The following ADGRL3 variants were observed in gnomAD, a reference collection of about 807,000 sequenced individuals.
The protein encoded by ADGRL3 is adhesion G protein-coupled receptor L3.
A neutral mutation model predicts 153.5 loss-of-function variants in ADGRL3; 62 were observed. The observed-to-expected ratio is 0.40, with a 90% CI of 0.33 to 0.50. The LOEUF (loss-of-function observed/expected upper bound fraction) is 0.50, where lower values mean the gene tolerates loss of function less well. Among genes scored for constraint, ADGRL3 ranks in the 20% least tolerant of loss-of-function variants. The pLI, the probability that ADGRL3 is intolerant of heterozygous loss-of-function variation, is 0.47. For synonymous variants in ADGRL3, 710 were observed against 672.5 expected (o/e 1.06, Z -0.86); for missense variants, 1,641 against 1,859.4 (o/e 0.88, Z 2.16).
At chr4:61,335,340 C>G (rs1407222123) in intron 1 of ADGRL3, among the ~76,000 whole-genome samples, 1 of 152,006 alleles carries the variant, frequency 6.6e-6, no homozygotes, top group East Asian at 1.9e-4. Flanking sequence ...AAAGAAATAC[C>G]ATTACTGTTT....
chr4:62,005,083 G>A (rs556481419), intron 21 of ADGRL3, among the ~76,000 whole-genome samples: 1 of 152,140 alleles, frequency 6.6e-6, no homozygotes, highest in South Asian at 2.1e-4. Flanking sequence ...GGTAATAGTG[G>A]GTCCTTTGCT....
intron 8 of ADGRL3, among the ~76,000 whole-genome samples, chr4:61,758,121 T>C (rs2096860887): frequency 6.6e-6 from 1 of 152,208 alleles, no homozygotes; most frequent in Non-Finnish European, 1.5e-5. Flanking sequence ...GAGAGTTCTG[T>C]AGATGTCTAT....
chr4:61,699,289 T>A (rs1275066887), intron 6 of ADGRL3, among the ~76,000 whole-genome samples: 1 of 152,138 alleles, frequency 6.6e-6, no homozygotes, highest in Non-Finnish European at 1.5e-5. Context: ...AAGGTGAATA[T>A]CAGATTCATT....
chr4:61,317,130 A>G (rs918731336), intron 1 of ADGRL3, among the ~76,000 whole-genome samples: 1 of 152,180 alleles, frequency 6.6e-6, no homozygotes, highest in Non-Finnish European at 1.5e-5. Context: ...GTTGATTTCT[A>G]AGTTCCTTTA....
At chr4:61,891,208 GAAAA>G (rs78985111) in intron 9 of ADGRL3, among the ~76,000 whole-genome samples, 2 of 151,718 alleles carry the variant, frequency 1.3e-5, no homozygotes, top group Admixed American at 1.3e-4. Flanking sequence ...TGATTAGAAA[GAAAA>G]AAATAGATGG....
chr4:61,889,817 A>T (rs1234028894), intron 9 of ADGRL3, among the ~76,000 whole-genome samples: 1 of 152,214 alleles, frequency 6.6e-6, no homozygotes, highest in Non-Finnish European at 1.5e-5. Context: ...AATAGGCTGG[A>T]GAAATCTTGC....
intron 6 of ADGRL3, among the ~76,000 whole-genome samples, chr4:61,706,376 T>G (rs1039873869): frequency 1.3e-4 from 19 of 150,658 alleles, no homozygotes; most frequent in African/African-American, 4.6e-4. Flanking sequence ...GAGCCGAGAT[T>G]GCGCCACTGC....
chr4:61,932,065 T>A (rs999241887), intron 13 of ADGRL3, among the ~76,000 whole-genome samples: 1 of 151,838 alleles, frequency 6.6e-6, no homozygotes, highest in Non-Finnish European at 1.5e-5. Flanking sequence ...ATACATACAG[T>A]CTTTTATGTA....
intron 1 of ADGRL3, among the ~76,000 whole-genome samples, chr4:61,218,789 T>G (rs191139328): frequency 6.6e-6 from 1 of 152,342 alleles, no homozygotes; most frequent in East Asian, 1.9e-4. Context: ...ACTCAGAGGT[T>G]AGAGAACCTG....
At chr4:61,984,053 T>C (rs1325117588) in intron 19 of ADGRL3, among the ~76,000 whole-genome samples, 1 of 152,156 alleles carries the variant, frequency 6.6e-6, no homozygotes, top group East Asian at 1.9e-4. Flanking sequence ...CCTGTGTTTT[T>C]CCCCTTTTTT....
intron 1 of ADGRL3, among the ~76,000 whole-genome samples, chr4:61,284,518 C>T (rs2093853972): frequency 6.6e-6 from 1 of 151,862 alleles, no homozygotes. Flanking sequence ...AGTTTAGCAC[C>T]TACTGTTTAC....
intron 8 of ADGRL3, among the ~76,000 whole-genome samples, chr4:61,742,791 G>A (rs1308800065): frequency 1.3e-5 from 2 of 152,044 alleles, no homozygotes; most frequent in Non-Finnish European, 2.9e-5. Context: ...TACAAGATGA[G>A]GTATGTTAAC....
chr4:61,661,159 T>C (rs1361959175), intron 5 of ADGRL3, among the ~76,000 whole-genome samples: 1 of 152,022 alleles, frequency 6.6e-6, no homozygotes, highest in Non-Finnish European at 1.5e-5. Flanking sequence ...GACTTCTGAG[T>C]TTATTCACTA....
rs1721997244 is a variant in ADGRL3, at chr4:62,031,428, T to C, written c.3423-14T>C. 4 of 1,571,656 alleles carry C rather than the reference T, an allele frequency of 2.5e-6. No individual in the cohort carries two copies. Among genetic ancestry groups the C allele is most frequent in the Non-Finnish European group, 2.6e-6 (3 of 1,157,470 alleles). ...AATTATTTAATAACCCTTAATTTTC[T>C]CTTCTCTCTACAGGTCATGGGTTAT... On this transcript the variant is annotated splice_polypyrimidine_tract_variant and intron_variant, in intron 22 of 26. Transcript: ENST00000683033.
chr4:61,409,404 A>AAT (rs10573056), intron 2 of ADGRL3, among the ~76,000 whole-genome samples: 112,467 of 137,748 alleles, frequency 0.82, 49,005 homozygotes, highest in Non-Finnish European at 0.98. Flanking sequence ...AGACATACAT[A>AAT]ATATATATAT....
chr4:61,504,792 C>T (rs1044618202), intron 3 of ADGRL3, among the ~76,000 whole-genome samples: 4 of 152,124 alleles, frequency 2.6e-5, no homozygotes, highest in Non-Finnish European at 4.4e-5. Context: ...AGAATTTCAT[C>T]GCTTTTTTAT....
At chr4:61,739,874 G>A (rs2096562955) in intron 8 of ADGRL3, among the ~76,000 whole-genome samples, 1 of 152,130 alleles carries the variant, frequency 6.6e-6, no homozygotes, top group African/African-American at 2.4e-5. Context: ...TTTACAGTAT[G>A]GAAGAAAGTG....
intron 17 of ADGRL3, among the ~76,000 whole-genome samples, chr4:61,949,090 T>C (rs952592394): frequency 1.3e-5 from 2 of 151,642 alleles, no homozygotes; most frequent in African/African-American, 4.8e-5. Flanking sequence ...TGAGTAATAC[T>C]AATACTCAAC....
At chr4:62,008,558 CG>C (rs2099169733) in intron 21 of ADGRL3, among the ~76,000 whole-genome samples, 1 of 151,858 alleles carries the variant, frequency 6.6e-6, no homozygotes, top group African/African-American at 2.4e-5. Context: ...TGTTGAAAAA[CG>C]TTTATCTACC....
Sources: gnomAD v4.1 joint callset for allele counts (sites outside exome capture counted in the v4.1 genomes callset) on GRCh38, gnomAD v4.1.1 for gene constraint, MANE v1.5 for transcripts, NCBI Gene and HGNC (gene_info 2026-07-23, HGNC 2026-07-21) for gene names.